EDA2R: variants seen among roughly 807,000 people sequenced by gnomAD.
The protein encoded by EDA2R is tumor necrosis factor receptor superfamily member 27.
Under a neutral mutation model 20.1 loss-of-function variants are expected in EDA2R, and 26 were observed. The ratio of observed to expected loss-of-function variants is 1.30; its 90% confidence interval spans 0.95 to 1.80. The LOEUF (loss-of-function observed/expected upper bound fraction) is 1.80. EDA2R is among the 40% of genes most tolerant of loss of function. The probability of loss-of-function intolerance (pLI) is 0.00; values close to 1 mark genes in which losing one functional copy is unlikely to be tolerated. For synonymous variants in EDA2R, 114 were observed against 88.7 expected (o/e 1.29, Z -1.60); for missense variants, 277 against 228.7 (o/e 1.21, Z -1.36).
At chrX:66,598,640 A>G (rs1416484083) in intron 6 of EDA2R, among the ~76,000 whole-genome samples, 1 of 112,200 alleles carries the variant, frequency 8.9e-6, no homozygotes, top group Non-Finnish European at 1.9e-5. Flanking sequence ...AAGGTACCTA[A>G]GTTGATTGAT....
chrX:66,621,715 T>C (rs1261810755), intron 1 of EDA2R, among the ~76,000 whole-genome samples: 2 of 112,049 alleles, frequency 1.8e-5, no homozygotes, highest in Admixed American at 1.9e-4. Flanking sequence ...AATCATAAAC[T>C]AGCTTTAGTG....
chrX:66,614,805 C>A (rs1169589072), intron 2 of EDA2R, among the ~76,000 whole-genome samples: 1 of 111,986 alleles, frequency 8.9e-6, no homozygotes, highest in African/African-American at 3.2e-5. Context: ...GCTCCTAATG[C>A]ACTTAGAGAA....
At chrX:66,638,558 T>C (rs1934564917) in intron 1 of EDA2R, among the ~76,000 whole-genome samples, 1 of 110,813 alleles carries the variant, frequency 9.0e-6, no homozygotes, top group Admixed American at 9.6e-5. Context: ...GCCAGCATGC[T>C]CTTTACACAA....
chrX:66,628,916 G>A lies in EDA2R; in HGVS notation c.-11+10079C>T, dbSNP rs149721994. Among the ~76,000 whole-genome samples, 20 of 111,089 alleles carry A rather than the reference G, an allele frequency of 1.8e-4. No individual in the cohort carries two copies. In the East Asian group the frequency reaches 5.1e-3, roughly 28 times the overall value. On this transcript the variant is annotated intron_variant, in intron 1 of 6. Coordinates refer to ENST00000374719, the MANE Select transcript of EDA2R (RefSeq NM_021783.5). ...CAGAAAACTACAGACTAATATCCCT[G>A]ATGAACATAGATACTAAAATCCTAA...
chrX:66,627,814 C>A (rs1278089432), intron 1 of EDA2R, among the ~76,000 whole-genome samples: 2 of 111,706 alleles, frequency 1.8e-5, no homozygotes, highest in Non-Finnish European at 3.8e-5. Context: ...ATAGATCTAA[C>A]CTATACCGTG....
intron 1 of EDA2R, among the ~76,000 whole-genome samples, chrX:66,625,586 T>C (rs1017122972): frequency 2.7e-5 from 3 of 111,434 alleles, no homozygotes; most frequent in African/African-American, 9.8e-5. Flanking sequence ...CCCACCATGG[T>C]AGCTGAAGAC....
At chrX:66,600,727 A>G (rs1483118739) in intron 5 of EDA2R, among the ~76,000 whole-genome samples, 1 of 112,075 alleles carries the variant, frequency 8.9e-6, no homozygotes, top group Non-Finnish European at 1.9e-5. Context: ...ATCTGGTTCA[A>G]CATCAGGTCA....
chrX:66,603,819 T>C (rs1048209565), intron 4 of EDA2R, among the ~76,000 whole-genome samples: 1 of 112,086 alleles, frequency 8.9e-6, no homozygotes, highest in Admixed American at 9.5e-5. Flanking sequence ...ATGCTATGAT[T>C]TATTAACTTT....
At chrX:66,613,194 C>T (rs1931082666) in intron 2 of EDA2R, among the ~76,000 whole-genome samples, 1 of 111,534 alleles carries the variant, frequency 9.0e-6, no homozygotes, top group African/African-American at 3.2e-5. Flanking sequence ...AATATATTTA[C>T]AAATCAACAG....
At position 66,605,028 on chromosome X, in the gene EDA2R, G is replaced by T; in HGVS notation, c.266+20C>A. 2 of 1,178,979 alleles carry T rather than the reference G, an allele frequency of 1.7e-6. No homozygotes were observed. Among genetic ancestry groups the T allele is most frequent in the Non-Finnish European group, 2.3e-6 (2 of 876,447 alleles). On this transcript the variant is annotated intron_variant, in intron 3 of 6. Coordinates refer to ENST00000374719, the MANE Select transcript of EDA2R (RefSeq NM_021783.5). ...AGCTAGAAAAGCCCAGACAAGCTTG[G>T]TCTCATAAAGCAAGCTCACCTGGGC...
intron 6 of EDA2R, among the ~76,000 whole-genome samples, chrX:66,598,784 T>A (rs900317811): frequency 1.1e-4 from 12 of 111,952 alleles, no homozygotes; most frequent in African/African-American, 3.9e-4. Context: ...ACTGAAGAAA[T>A]ACGGAAGTGG....
chrX:66,605,165 T>C lies in EDA2R; in HGVS notation c.149A>G (p.Lys50Arg). Residue 50 changes from lysine (K) to arginine (R), a missense_variant, in exon 3 of 7, where the codon AAA becomes AGA. Transcript: ENST00000374719. Reference sequence around the variant, plus strand: ...ACATCTGTGGTGGCCCCAGCTGCTTTTGTACCTGCGAGGAGGGCAGGCTGT... The same window carrying C: ...ACATCTGTGGTGGCCCCAGCTGCTTCTGTACCTGCGAGGAGGGCAGGCTGT... ...YCTACPPRRY[K>R]SSWGHHRCQS... 8.3e-7 allele frequency: 1 copy of C among 1,209,980 alleles called. No individual in the cohort carries two copies. Among genetic ancestry groups the C allele is most frequent in the Non-Finnish European group, 1.1e-6 (1 of 894,764 alleles).
intron 1 of EDA2R, among the ~76,000 whole-genome samples, chrX:66,616,522 G>A (rs1386060729): frequency 8.9e-6 from 1 of 112,403 alleles, no homozygotes; most frequent in South Asian, 3.7e-4. Flanking sequence ...GCATTATAGA[G>A]ATTGTCATCT....
At chrX:66,637,751 G>A (rs955054654) in intron 1 of EDA2R, among the ~76,000 whole-genome samples, 3 of 112,208 alleles carry the variant, frequency 2.7e-5, no homozygotes, top group Non-Finnish European at 5.6e-5. Flanking sequence ...TTTTGGGCCA[G>A]CCACTGTGCT....
chrX:66,609,106 T>TG (rs1930249483), intron 2 of EDA2R, among the ~76,000 whole-genome samples: 1 of 111,786 alleles, frequency 8.9e-6, no homozygotes, highest in Non-Finnish European at 1.9e-5. Flanking sequence ...GTGAACTGTA[T>TG]TTTAATAAGG....
At chrX:66,631,873 A>G (rs1933850411) in intron 1 of EDA2R, among the ~76,000 whole-genome samples, 1 of 112,160 alleles carries the variant, frequency 8.9e-6, no homozygotes, top group Non-Finnish European at 1.9e-5. Flanking sequence ...TTTTCAGTAT[A>G]GAGAAGTTGA....
intron 2 of EDA2R, 72 bp from the exon 3 acceptor site, chrX:66,605,298 G>A: frequency 9.5e-7 from 1 of 1,051,018 alleles, no homozygotes. Context: ...GGGACAAGTG[G>A]ACTGTACAGG....
At chrX:66,613,356 TGAATAGAAA>T (rs1269493081) in intron 2 of EDA2R, among the ~76,000 whole-genome samples, 1 of 110,922 alleles carries the variant, frequency 9.0e-6, no homozygotes, top group Non-Finnish European at 1.9e-5. Context: ...CAATACATAA[TGAATAGAAA>T]GAATAGAAAG....
At chrX:66,604,080 T>TCTCATAGGTTTACA (rs1229563522) in intron 4 of EDA2R, among the ~76,000 whole-genome samples, 1 of 111,503 alleles carries the variant, frequency 9.0e-6, no homozygotes, top group Non-Finnish European at 1.9e-5. Flanking sequence ...ATACTTCATA[T>TCTCATAGGTTTACA]AATAATAATA....
Sources: gnomAD v4.1 joint callset for allele counts (sites outside exome capture counted in the v4.1 genomes callset) on GRCh38, gnomAD v4.1.1 for gene constraint, MANE v1.5 for transcripts, NCBI Gene and HGNC (gene_info 2026-07-23, HGNC 2026-07-21) for gene names.